The following NARS2 variants were observed in gnomAD, a reference collection of about 807,000 sequenced individuals.
NARS2 encodes the protein asparaginyl-tRNA synthetase.
A neutral mutation model predicts 62.9 loss-of-function variants in NARS2; 60 were observed. That is an observed-to-expected ratio of 0.95 (90% CI 0.77 to 1.18). NARS2 has a LOEUF of 1.18. Ranked by LOEUF, NARS2 falls within the 50% of genes most tolerant of loss-of-function variation. NARS2 has a pLI of 0.00. For missense variants in NARS2, 619 were observed against 576.4 expected, an observed-to-expected ratio of 1.07 and a Z score of -0.76; for synonymous variants, 196 against 200.0, an observed-to-expected ratio of 0.98 and a Z score of 0.17.
At chr11:78,541,264 G>GAAA (rs1314553433) in intron 5 of NARS2, among the ~76,000 whole-genome samples, 3 of 151,842 alleles carry the variant, frequency 2.0e-5, no homozygotes, top group Admixed American at 1.3e-4. Context: ...ACTACTTTTT[G>GAAA]GTAAGATCAG....
chr11:78,548,917 G>A (rs1855981379), intron 5 of NARS2, among the ~76,000 whole-genome samples: 1 of 152,230 alleles, frequency 6.6e-6, no homozygotes, highest in South Asian at 2.1e-4. Context: ...AGGAGAGTCT[G>A]TAATGTCTGA....
rs564662646 is a variant in NARS2 at position 78,487,399 on chromosome 11, A to G, written c.822+5664T>C. On this transcript the variant is annotated intron_variant, in intron 7 of 13. Transcript: ENST00000281038. ...AGAAAGAAAAAGAGAGAGAGAGAGA[A>G]AGAAAGAAAGAAAGACAGACAGACA... Among the ~76,000 whole-genome samples the G allele has an allele frequency of 1.8e-3, 267 of 151,546 alleles. 2 individuals are homozygous for G. Among genetic ancestry groups the G allele is most frequent in the Middle Eastern group, 6.8e-3 (2 of 294 alleles).
At chr11:78,558,540 C>T (rs1856446113) in intron 5 of NARS2, 1 of 152,148 alleles carries the variant, frequency 6.6e-6, no homozygotes, top group Admixed American at 6.5e-5. Context: ...AAAAGAAGTA[C>T]CAAAGTACCA....
Position 78,465,916 on chromosome 11 carries a change from G to C in NARS2, c.1124C>G (p.Pro375Arg), listed in dbSNP as rs1363891695. 2 of 1,614,068 alleles carry C rather than the reference G, an allele frequency of 1.2e-6. No individual in the cohort carries two copies. Among genetic ancestry groups the C allele is most frequent in the Non-Finnish European group, 1.7e-6 (2 of 1,179,992 alleles). ...ATCTTCATTATCCCTCATGTAGAAA[G>C]GCTTGAGTGTTAATGGATAATTAAT... ...FVINYPLTLK[P>R]FYMRDNEDGP... Residue 375 changes from proline to arginine, a missense_variant, in exon 11 of 14, where the codon CCT becomes CGT. Physicochemically the swap from Pro to Arg is moderately radical, Grantham distance 103 (BLOSUM62 -2). Transcript: ENST00000281038.
chr11:78,536,781 T>C (rs945744945), intron 5 of NARS2, among the ~76,000 whole-genome samples: 4 of 152,230 alleles, frequency 2.6e-5, no homozygotes, highest in Non-Finnish European at 4.4e-5. Flanking sequence ...TTGCAAAGTT[T>C]GCAGTAATGT....
intron 11 of NARS2, among the ~76,000 whole-genome samples, chr11:78,444,702 G>C (rs2135144017): frequency 7.4e-6 from 1 of 134,654 alleles, no homozygotes; most frequent in East Asian, 2.4e-4. Flanking sequence ...CTGGGCGACA[G>C]AGCAAGACTC....
intron 7 of NARS2, among the ~76,000 whole-genome samples, chr11:78,486,616 T>C (rs1859585534): frequency 6.6e-6 from 1 of 152,108 alleles, no homozygotes; most frequent in Non-Finnish European, 1.5e-5. Context: ...TAATAACTGG[T>C]AAAAACAACA....
intron 5 of NARS2, 89 bp from the exon 6 acceptor site, chr11:78,529,025 A>G: frequency 1.2e-6 from 1 of 835,726 alleles, no homozygotes. Context: ...TAAAAATCAC[A>G]ATGCAATTAA....
intron 7 of NARS2, among the ~76,000 whole-genome samples, chr11:78,489,971 C>T (rs1390585023): frequency 1.3e-5 from 2 of 152,052 alleles, no homozygotes; most frequent in East Asian, 3.9e-4. Flanking sequence ...CCCAGGAGTT[C>T]ATGGCTGAAG....
At chr11:78,536,637 A>T (rs1855359611) in intron 5 of NARS2, among the ~76,000 whole-genome samples, 1 of 152,248 alleles carries the variant, frequency 6.6e-6, no homozygotes, top group African/African-American at 2.4e-5. Flanking sequence ...ATTATGAAAG[A>T]GTAAAAATAT....
rs945018487 is a variant in NARS2, at chr11:78,556,418, T to A, written c.594+3121A>T. Among the ~76,000 whole-genome samples, 9 of 152,154 alleles carry A rather than the reference T, an allele frequency of 5.9e-5. No individual in the cohort carries two copies. The East Asian group carries it at 1.5e-3, about 26-fold the overall frequency. ...CCATGGAACTGTATACAGTTGTGCA[T>A]CGCCACCAAGCCAAAACTAAGATCT... On this transcript the variant is annotated intron_variant, in intron 5 of 13. Transcript: ENST00000281038.
At chr11:78,486,846 C>T (rs1013023282) in intron 7 of NARS2, among the ~76,000 whole-genome samples, 1 of 151,980 alleles carries the variant, frequency 6.6e-6, no homozygotes, top group Non-Finnish European at 1.5e-5. Context: ...TAAACATCTT[C>T]CACAGGTAAA....
chr11:78,478,458 C>T lies in NARS2; in HGVS notation c.939G>A (p.Met313Ile). 1 of 1,111,824 alleles carries T rather than the reference C, an allele frequency of 9.0e-7. No homozygotes were observed. Among genetic ancestry groups the T allele is most frequent in the South Asian group, 1.8e-5 (1 of 56,384 alleles). 68.9% of individuals were successfully genotyped at this position (1,111,824 alleles called of 1,614,324 possible). A position where few individuals can be genotyped will look rare whatever the true frequency, so the allele number is the denominator to read the frequency against. ...APGQKDRLEH[M>I]LKNNFLIISY... ...CTTACATTAAAAAGTTGTTTTTTAGCATATGTTCTAATCTGTCCTTAATAA... is the reference window on the plus strand; with the variant it reads ...CTTACATTAAAAAGTTGTTTTTTAGTATATGTTCTAATCTGTCCTTAATAA... Residue 313 changes from methionine to isoleucine, a missense_variant, in exon 9 of 14, where the codon ATG becomes ATA. Physicochemically the swap from Met to Ile is conservative, Grantham distance 10 (BLOSUM62 1). Transcript: ENST00000281038.
At chr11:78,474,733 A>G (rs1369400651) in intron 9 of NARS2, among the ~76,000 whole-genome samples, 1 of 152,230 alleles carries the variant, frequency 6.6e-6, no homozygotes, top group Non-Finnish European at 1.5e-5. Context: ...AGCCTCTGAC[A>G]TCACAGAGGT....
chr11:78,525,362 TCAAA>T (rs987605348), intron 6 of NARS2, among the ~76,000 whole-genome samples: 4 of 152,002 alleles, frequency 2.6e-5, no homozygotes, highest in Non-Finnish European at 5.9e-5. Context: ...TGAATGAATG[TCAAA>T]CAACAAACAA....
chr11:78,484,416 T>C (rs1315708997), intron 7 of NARS2, among the ~76,000 whole-genome samples: 1 of 151,968 alleles, frequency 6.6e-6, no homozygotes, highest in Non-Finnish European at 1.5e-5. Flanking sequence ...AAAGAGCTTC[T>C]CACAGCAAAA....
chr11:78,484,849 G>A (rs1859505013), intron 7 of NARS2, among the ~76,000 whole-genome samples: 2 of 152,188 alleles, frequency 1.3e-5, no homozygotes. Context: ...TCTAGAACCA[G>A]AAAAGCATTT....
chr11:78,462,081 A>G (rs1858421636), intron 11 of NARS2, among the ~76,000 whole-genome samples: 1 of 152,262 alleles, frequency 6.6e-6, no homozygotes, highest in South Asian at 2.1e-4. Context: ...GGTAACCCAG[A>G]AAAATCTTTA....
chr11:78,554,500 C>CGTGTGTGTGTGTGTGTGT (rs569858075), intron 5 of NARS2, among the ~76,000 whole-genome samples: 3 of 42,594 alleles, frequency 7.0e-5, no homozygotes, highest in Non-Finnish European at 8.9e-5. Flanking sequence ...TATTCCTAGG[C>CGTGTGTGTGTGTGTGTGT]GTGTGTGCGT....
Sources: allele counts gnomAD v4.1 joint callset (sites outside exome capture counted in the v4.1 genomes callset), GRCh38; gene constraint gnomAD v4.1.1; transcripts MANE v1.5; gene names NCBI Gene and HGNC (gene_info 2026-07-23, HGNC 2026-07-21).